RAPGEF4: variants seen among roughly 807,000 people sequenced by gnomAD.
The protein encoded by RAPGEF4 is RAP guanine-nucleotide-exchange factor (GEF) 4.
RAPGEF4 carries 66 observed loss-of-function variants against 147.9 expected under a neutral mutation model. The observed-to-expected ratio is 0.45, with a 90% CI of 0.37 to 0.55. The LOEUF (loss-of-function observed/expected upper bound fraction) is 0.55. Among genes scored for constraint, RAPGEF4 ranks in the 20% least tolerant of loss-of-function variants. The pLI is 0.00. For synonymous variants in RAPGEF4, 419 were observed against 442.7 expected, an observed-to-expected ratio of 0.95 and a Z score of 0.67; for missense variants, 1,071 against 1,257.3, an observed-to-expected ratio of 0.85 and a Z score of 2.24.
intron 4 of RAPGEF4, among the ~76,000 whole-genome samples, chr2:172,872,538 G>C (rs1202187419): frequency 6.6e-6 from 1 of 152,098 alleles, no homozygotes; most frequent in East Asian, 1.9e-4. Context: ...CTACTTGTTG[G>C]GGGAAGGGCC....
intron 14 of RAPGEF4, among the ~76,000 whole-genome samples, chr2:172,990,431 A>G (rs572269101): frequency 2.0e-5 from 3 of 152,360 alleles, no homozygotes; most frequent in East Asian, 3.9e-4. Flanking sequence ...CTCCTAAGGA[A>G]ACTAAATACA....
At chr2:172,837,986 G>T (rs958800713) in intron 4 of RAPGEF4, among the ~76,000 whole-genome samples, 1 of 152,178 alleles carries the variant, frequency 6.6e-6, no homozygotes, top group African/African-American at 2.4e-5. Context: ...CAAACATGAA[G>T]TGCCTACTGT....
At chr2:172,944,712 C>T (rs1290591779) in intron 6 of RAPGEF4, among the ~76,000 whole-genome samples, 1 of 152,162 alleles carries the variant, frequency 6.6e-6, no homozygotes, top group African/African-American at 2.4e-5. Context: ...AACATTTCCC[C>T]TTTCTCGAAG....
chr2:172,913,111 G>C (rs1226995700), intron 4 of RAPGEF4, among the ~76,000 whole-genome samples: 1 of 152,014 alleles, frequency 6.6e-6, no homozygotes, highest in East Asian at 1.9e-4. Context: ...GGCCAAGCTG[G>C]TCTTGAACTC....
intron 4 of RAPGEF4, among the ~76,000 whole-genome samples, chr2:172,833,714 G>T (rs1030862270): frequency 6.6e-6 from 1 of 152,030 alleles, no homozygotes; most frequent in African/African-American, 2.4e-5. Flanking sequence ...TCTTTTCCAG[G>T]GTTTTGTTCC....
At chr2:172,838,828 C>A (rs2553000) in intron 4 of RAPGEF4, among the ~76,000 whole-genome samples, 148,029 of 152,226 alleles carry the variant, frequency 0.97, 72,137 homozygotes, top group East Asian at 1. Flanking sequence ...GGATGGGAGG[C>A]AAACTTGCAT....
chr2:172,822,169 G>A (rs58495901), intron 4 of RAPGEF4, among the ~76,000 whole-genome samples: 3 of 152,150 alleles, frequency 2.0e-5, no homozygotes, highest in African/African-American at 7.2e-5. Context: ...GTGGGGCCAG[G>A]GGGTGAGTGG....
Position 173,013,578 on chromosome 2 carries a change from A to G in RAPGEF4, c.1659-886A>G, listed in dbSNP as rs966576746. On this transcript the variant is annotated intron_variant, in intron 17 of 30. Transcript: ENST00000397081. Reference sequence around the variant, plus strand: ...AGGAATGGTGTGTCTAACCTAAAATATTTCTTGATTACCTGTGATGTTGTG... The same window carrying G: ...AGGAATGGTGTGTCTAACCTAAAATGTTTCTTGATTACCTGTGATGTTGTG... Among the ~76,000 whole-genome samples, 11 of 152,314 alleles carry G rather than the reference A, an allele frequency of 7.2e-5. No homozygotes were observed. In the East Asian group the frequency reaches 1.9e-3, roughly 27 times the overall value.
chr2:172,975,737 G>C (rs1013458308), intron 10 of RAPGEF4, among the ~76,000 whole-genome samples: 1 of 152,116 alleles, frequency 6.6e-6, no homozygotes, highest in Non-Finnish European at 1.5e-5. Context: ...AAAAACATTT[G>C]CATTTTCCAT....
rs1337567941 is a variant in RAPGEF4, at chr2:172,965,439, A to G, written c.699-123A>G. ...TACCGCGTGTGGTGCTTTGTTTGCC[A>G]TGAGACCTCTTCTGGTAGGAGATCA... On this transcript the variant is annotated intron_variant, in intron 8 of 30. Transcript: ENST00000397081. The G allele has an allele frequency of 1.0e-5, 12 of 1,146,676 alleles. No homozygotes were observed. In the Admixed American group the frequency reaches 1.9e-4, roughly 18 times the overall value. The allele number at this position is 1,146,676 out of a possible 1,614,324, so 71.0% of individuals were successfully genotyped here. A position where few individuals can be genotyped will look rare whatever the true frequency, so the allele number is the denominator to read the frequency against.
In RAPGEF4 at chr2:172,795,135, G is replaced by A. The variant is rs1686238050; in HGVS notation, c.176G>A (p.Gly59Asp). 1 of 1,611,192 alleles carries A rather than the reference G, an allele frequency of 6.2e-7. No individual in the cohort carries two copies. ...CTCCTTCATCAGATTTGCTTATGTG[G>A]TTATTATGAGAATCTGGAAAAGGGA... ...PNLLHQICLC[G>D]YYENLEKGIT... is the part of the protein sequence containing the mutation. The change falls in exon 2 of 31, where the codon GGT (glycine) becomes GAT (aspartate). Residue 59 changes from glycine to aspartate, a missense_variant. Coordinates refer to ENST00000397081, the MANE Select transcript of RAPGEF4 (RefSeq NM_007023.4).
At chr2:173,004,293 A>G (rs1473715962) in intron 17 of RAPGEF4, among the ~76,000 whole-genome samples, 4 of 152,162 alleles carry the variant, frequency 2.6e-5, no homozygotes, top group African/African-American at 4.8e-5. Context: ...TGACCCGATG[A>G]ATACAAGTAC....
chr2:172,929,916 T>C (rs1685745065), intron 6 of RAPGEF4, among the ~76,000 whole-genome samples: 1 of 152,212 alleles, frequency 6.6e-6, no homozygotes, highest in Admixed American at 6.5e-5. Flanking sequence ...GCCTTACTCA[T>C]TTGTTTCCTC....
chr2:172,931,781 A>AT (rs1686006218), intron 6 of RAPGEF4, among the ~76,000 whole-genome samples: 3 of 152,278 alleles, frequency 2.0e-5, no homozygotes, highest in Middle Eastern at 6.8e-3. Flanking sequence ...GTTATGTGAG[A>AT]TTTTTTAAAT....
intron 6 of RAPGEF4, among the ~76,000 whole-genome samples, chr2:172,938,771 A>G (rs529931199): frequency 6.7e-4 from 102 of 152,368 alleles, no homozygotes; most frequent in African/African-American, 2.4e-3. Flanking sequence ...TGTATGCACC[A>G]TTACAGTACA....
chr2:172,841,077 A>G (rs547135632), intron 4 of RAPGEF4, among the ~76,000 whole-genome samples: 9 of 152,168 alleles, frequency 5.9e-5, no homozygotes, highest in Non-Finnish European at 1.0e-4. Flanking sequence ...AATGCATGCT[A>G]TGGTTTGGAT....
chr2:172,849,643 A>G (rs1016581478), intron 4 of RAPGEF4, among the ~76,000 whole-genome samples: 3 of 152,218 alleles, frequency 2.0e-5, no homozygotes, highest in African/African-American at 4.8e-5. Context: ...GTCCAACATT[A>G]TTAATAGGAC....
chr2:172,926,456 G>A (rs1685367644), intron 6 of RAPGEF4, among the ~76,000 whole-genome samples: 1 of 152,188 alleles, frequency 6.6e-6, no homozygotes, highest in Non-Finnish European at 1.5e-5. Flanking sequence ...AGGAGCTGGA[G>A]AAGTAGACTC....
intron 4 of RAPGEF4, among the ~76,000 whole-genome samples, chr2:172,828,787 A>G (rs2676513): frequency 0.97 from 148,091 of 152,270 alleles, 72,152 homozygotes; most frequent in East Asian, 1. Context: ...TCTTCAAGAC[A>G]ACGCCTCCCA....
Sources: gnomAD v4.1 joint callset for allele counts (sites outside exome capture counted in the v4.1 genomes callset) on GRCh38, gnomAD v4.1.1 for gene constraint, MANE v1.5 for transcripts, NCBI Gene and HGNC (gene_info 2026-07-23, HGNC 2026-07-21) for gene names.